Variants in CDIN1 observed in about 807,000 individuals in gnomAD.
The protein encoded by CDIN1 is CDAN1 interacting nuclease 1.
A neutral mutation model predicts 45.3 loss-of-function variants in CDIN1; 33 were observed. The ratio of observed to expected loss-of-function variants is 0.73; its 90% CI spans 0.55 to 0.97. The LOEUF (loss-of-function observed/expected upper bound fraction) is 0.97, where lower values mean the gene tolerates loss of function less well. CDIN1 is among the 50% of genes least tolerant of loss of function. The pLI, the probability that CDIN1 is intolerant of heterozygous loss-of-function variation, is 0.00. For missense variants in CDIN1, 303 were observed against 339.4 expected, an observed-to-expected ratio of 0.89 and a Z score of 0.84; for synonymous variants, 118 against 124.4, an observed-to-expected ratio of 0.95 and a Z score of 0.34.
intron 1 of CDIN1, among the ~76,000 whole-genome samples, chr15:36,625,418 G>A (rs750952545): frequency 1.5e-4 from 23 of 152,180 alleles, no homozygotes; most frequent in Non-Finnish European, 2.8e-4. Context: ...ACTTATGATT[G>A]CATAGAGTTA....
In CDIN1 at chr15:36,809,069, T is replaced by C. The variant is rs1254992820; in HGVS notation, c.*616T>C. 5 of 381,816 alleles carry C rather than the reference T, an allele frequency of 1.3e-5. No individual in the cohort carries two copies. Among genetic ancestry groups the C allele is most frequent in the Non-Finnish European group, 2.6e-5 (5 of 189,706 alleles). The allele number at this position is 381,816 out of a possible 1,614,324, so 23.7% of individuals were successfully genotyped here. On this transcript the variant is annotated 3_prime_UTR_variant, in exon 11 of 11. Transcript: ENST00000566621. ...GCTATATTCAATCTTTACGGCTTCCTGACTTCTGTGACAGTAAGCCAAGTG... is the reference window on the plus strand; with the variant it reads ...GCTATATTCAATCTTTACGGCTTCCCGACTTCTGTGACAGTAAGCCAAGTG...
intron 10 of CDIN1, among the ~76,000 whole-genome samples, chr15:36,758,561 C>T (rs1294332981): frequency 6.6e-6 from 1 of 152,056 alleles, no homozygotes; most frequent in East Asian, 1.9e-4. Flanking sequence ...ATTTTATGCA[C>T]CTGCGACAGT....
intron 2 of CDIN1, 25 bp downstream of exon 2, chr15:36,644,348 G>C (rs1329571833): frequency 3.7e-6 from 6 of 1,603,914 alleles, no homozygotes; most frequent in Non-Finnish European, 5.1e-6. Flanking sequence ...CCTTTGTGAG[G>C]GTTGACAGGT....
intron 2 of CDIN1, 107 bp downstream of exon 2, chr15:36,644,430 A>T: frequency 8.3e-7 from 1 of 1,203,254 alleles, no homozygotes; most frequent in Non-Finnish European, 1.2e-6. Flanking sequence ...GGGTTGGAGG[A>T]TGTTCTCCTT....
chr15:36,677,602 T>A (rs2041693764), intron 5 of CDIN1, among the ~76,000 whole-genome samples: 1 of 152,210 alleles, frequency 6.6e-6, no homozygotes, highest in South Asian at 2.1e-4. Flanking sequence ...TTCAGCATCC[T>A]GATCAATCTC....
intron 1 of CDIN1, chr15:36,613,445 A>G: frequency 6.6e-7 from 1 of 1,519,540 alleles, no homozygotes; most frequent in Non-Finnish European, 9.0e-7. Flanking sequence ...CAGGAACTGG[A>G]GCGTGAGCAG....
At chr15:36,666,689 C>T (rs2041262410) in intron 5 of CDIN1, among the ~76,000 whole-genome samples, 1 of 152,130 alleles carries the variant, frequency 6.6e-6, no homozygotes, top group Admixed American at 6.5e-5. Context: ...GTTAGAATGC[C>T]CCAAACTTCC....
At chr15:36,781,699 G>A (rs1164438391) in intron 10 of CDIN1, among the ~76,000 whole-genome samples, 2 of 152,174 alleles carry the variant, frequency 1.3e-5, no homozygotes, top group East Asian at 1.9e-4. Context: ...CAAGACTATG[G>A]CACAGAGGCC....
At chr15:36,623,796 G>A (rs1411008132) in intron 1 of CDIN1, among the ~76,000 whole-genome samples, 1 of 152,194 alleles carries the variant, frequency 6.6e-6, no homozygotes, top group East Asian at 1.9e-4. Context: ...TTGCAACTAA[G>A]CATCTTGTGA....
intron 10 of CDIN1, among the ~76,000 whole-genome samples, chr15:36,758,979 C>T (rs56365969): frequency 0.11 from 16,748 of 152,162 alleles, 999 homozygotes; most frequent in Non-Finnish European, 0.14. Context: ...TTGCATTTCT[C>T]TGGGGGTGAG....
chr15:36,635,542 T>C (rs1566852950), intron 1 of CDIN1, among the ~76,000 whole-genome samples: 1 of 152,084 alleles, frequency 6.6e-6, no homozygotes, highest in Non-Finnish European at 1.5e-5. Flanking sequence ...CTAGAATCAA[T>C]CCCCTGTGTG....
chr15:36,709,695 A>C (rs1238618337), intron 9 of CDIN1, 161 bp from the exon 10 acceptor site: 2 of 535,986 alleles, frequency 3.7e-6, no homozygotes, highest in Non-Finnish European at 6.6e-6. Context: ...TGTTCTTTGT[A>C]ATGAACATAT....
At chr15:36,606,972 C>T (rs1595734874) in intron 1 of CDIN1, among the ~76,000 whole-genome samples, 1 of 152,166 alleles carries the variant, frequency 6.6e-6, no homozygotes. Flanking sequence ...AGGTTTAAAG[C>T]AGTAGGAGTT....
At chr15:36,788,380 A>G (rs1010519620) in intron 10 of CDIN1, among the ~76,000 whole-genome samples, 12 of 151,766 alleles carry the variant, frequency 7.9e-5, no homozygotes, top group Non-Finnish European at 1.3e-4. Context: ...CACCACATCC[A>G]GCCCGATAAT....
At chr15:36,620,429 CAG>C (rs1246080640) in intron 1 of CDIN1, among the ~76,000 whole-genome samples, 78 of 152,242 alleles carry the variant, frequency 5.1e-4, no homozygotes, top group African/African-American at 1.8e-3. Flanking sequence ...AAATATATTT[CAG>C]AGTCTTAAAA....
intron 10 of CDIN1, among the ~76,000 whole-genome samples, chr15:36,792,749 T>C (rs2054678581): frequency 6.6e-6 from 1 of 152,086 alleles, no homozygotes; most frequent in Non-Finnish European, 1.5e-5. Flanking sequence ...GCCCAGAGTA[T>C]TTGGGTTTCA....
intron 8 of CDIN1, chr15:36,705,486 T>C (rs561203776): frequency 5.9e-5 from 9 of 152,216 alleles, no homozygotes; most frequent in Non-Finnish European, 1.0e-4. Flanking sequence ...CATGGGCACA[T>C]ATCCTGTATC....
intron 1 of CDIN1, chr15:36,614,003 A>G: frequency 2.1e-6 from 3 of 1,420,076 alleles, no homozygotes; most frequent in Non-Finnish European, 9.9e-7. Flanking sequence ...GAAGAAAACT[A>G]CTCTCAAAAA....
At chr15:36,697,593 A>G (rs1298746993) in intron 8 of CDIN1, among the ~76,000 whole-genome samples, 1 of 152,216 alleles carries the variant, frequency 6.6e-6, no homozygotes, top group Non-Finnish European at 1.5e-5. Flanking sequence ...TTAATATTTT[A>G]TAGAATAAGT....
Sources: gnomAD v4.1 joint callset for allele counts (sites outside exome capture counted in the v4.1 genomes callset) on GRCh38, gnomAD v4.1.1 for gene constraint, MANE v1.5 for transcripts, NCBI Gene and HGNC (gene_info 2026-07-23, HGNC 2026-07-21) for gene names.